GPC6: variants seen among roughly 807,000 people sequenced by gnomAD.
GPC6 encodes glypican-6.
GPC6 carries 14 observed loss-of-function variants against 55.2 expected under a neutral mutation model. The ratio of observed to expected loss-of-function variants is 0.25; its 90% CI spans 0.17 to 0.40. The LOEUF (loss-of-function observed/expected upper bound fraction) is 0.40. GPC6 is among the 10% of genes least tolerant of loss of function. GPC6 has a pLI of 1.00. For missense variants in GPC6, 641 were observed against 708.5 expected (o/e 0.90, Z 1.08); for synonymous variants, 278 against 259.6 (o/e 1.07, Z -0.68).
intron 2 of GPC6, among the ~76,000 whole-genome samples, chr13:93,752,932 CT>C (rs1428438533): frequency 6.6e-6 from 1 of 152,170 alleles, no homozygotes; most frequent in Non-Finnish European, 1.5e-5. Context: ...GTCAGCACCC[CT>C]GTGAGTGTCC....
chr13:93,688,159 A>C (rs181772600), intron 2 of GPC6, among the ~76,000 whole-genome samples: 8 of 152,204 alleles, frequency 5.3e-5, no homozygotes, highest in Admixed American at 2.0e-4. Context: ...TTATGAGATA[A>C]CTTTGTTTTG....
chr13:93,335,887 C>A (rs1880028598), intron 1 of GPC6, among the ~76,000 whole-genome samples: 1 of 152,126 alleles, frequency 6.6e-6, no homozygotes, highest in South Asian at 2.1e-4. Context: ...TTTTAGACTG[C>A]CTTGTAGTTC....
At chr13:93,586,207 A>G (rs1027355606) in intron 2 of GPC6, among the ~76,000 whole-genome samples, 2 of 152,156 alleles carry the variant, frequency 1.3e-5, no homozygotes, top group African/African-American at 4.8e-5. Context: ...GAGAGAAGAA[A>G]CACTATTTGG....
At chr13:93,549,757 T>C (rs903946402) in intron 2 of GPC6, among the ~76,000 whole-genome samples, 3 of 152,022 alleles carry the variant, frequency 2.0e-5, no homozygotes, top group Non-Finnish European at 4.4e-5. Context: ...GGAAGATTTG[T>C]TTTTAACTCC....
At chr13:93,345,007 C>T (rs1219995483) in intron 1 of GPC6, among the ~76,000 whole-genome samples, 5 of 151,978 alleles carry the variant, frequency 3.3e-5, no homozygotes, top group South Asian at 4.1e-4. Flanking sequence ...TTTTTATATG[C>T]TTTAAAAATG....
chr13:93,407,100 G>A (rs1876321660), intron 1 of GPC6, among the ~76,000 whole-genome samples: 1 of 152,054 alleles, frequency 6.6e-6, no homozygotes, highest in Admixed American at 6.6e-5. Context: ...CCAATGTTAA[G>A]TTTCTTTATG....
intron 2 of GPC6, among the ~76,000 whole-genome samples, chr13:93,812,435 T>C (rs1359292612): frequency 6.6e-6 from 1 of 151,582 alleles, no homozygotes; most frequent in Non-Finnish European, 1.5e-5. Flanking sequence ...AGCCCACATA[T>C]AGGGGAAGGT....
chr13:93,689,318 T>G (rs1241271703), intron 2 of GPC6, among the ~76,000 whole-genome samples: 1 of 152,112 alleles, frequency 6.6e-6, no homozygotes, highest in East Asian at 1.9e-4. Flanking sequence ...ACTTCTCAGA[T>G]ATGTTTTTTG....
intron 2 of GPC6, among the ~76,000 whole-genome samples, chr13:93,620,108 C>T (rs1878886004): frequency 6.6e-6 from 1 of 152,096 alleles, no homozygotes. Context: ...CGTAGAATCT[C>T]ATACATAGCC....
At chr13:94,311,371 GT>G (rs1235158120) in intron 6 of GPC6, among the ~76,000 whole-genome samples, 1 of 152,134 alleles carries the variant, frequency 6.6e-6, no homozygotes, top group Non-Finnish European at 1.5e-5. Context: ...GTTTCACCAT[GT>G]TTTCCAGGCT....
chr13:93,425,839 G>A (rs1240215512), intron 1 of GPC6, among the ~76,000 whole-genome samples: 7 of 152,080 alleles, frequency 4.6e-5, no homozygotes, highest in South Asian at 2.1e-4. Flanking sequence ...GGCAAATGTC[G>A]CAAATACAGA....
At chr13:94,206,088 G>A (rs1889894208) in intron 4 of GPC6, among the ~76,000 whole-genome samples, 1 of 152,130 alleles carries the variant, frequency 6.6e-6, no homozygotes, top group African/African-American at 2.4e-5. Context: ...CTGACCTAGA[G>A]TTTGTCAAGA....
intron 2 of GPC6, among the ~76,000 whole-genome samples, chr13:93,783,657 C>T (rs1414965325): frequency 6.6e-6 from 1 of 152,106 alleles, no homozygotes; most frequent in Non-Finnish European, 1.5e-5. Flanking sequence ...GGAGCCACCA[C>T]CCATCACTGT....
chr13:93,867,303 T>C (rs1004753114), intron 3 of GPC6, among the ~76,000 whole-genome samples: 6 of 151,744 alleles, frequency 4.0e-5, no homozygotes, highest in African/African-American at 1.4e-4. Flanking sequence ...TCCTTTGACG[T>C]CTCTCTAACA....
chr13:93,754,343 T>C (rs1246928003), intron 2 of GPC6, among the ~76,000 whole-genome samples: 1 of 152,168 alleles, frequency 6.6e-6, no homozygotes, highest in African/African-American at 2.4e-5. Flanking sequence ...TTTTTTATTC[T>C]CTTTTCCTAC....
chr13:94,286,162 A>C (rs1892523896), intron 4 of GPC6, among the ~76,000 whole-genome samples, 187 bp from the exon 5 acceptor site: 1 of 152,222 alleles, frequency 6.6e-6, no homozygotes, highest in Admixed American at 6.5e-5. Context: ...AATAATTTTG[A>C]ATCTTCAAAC....
intron 4 of GPC6, among the ~76,000 whole-genome samples, chr13:94,033,864 A>G (rs2138729091): frequency 6.6e-6 from 1 of 152,332 alleles, no homozygotes; most frequent in South Asian, 2.1e-4. Context: ...ACTTTATGTA[A>G]TACAAGAGCC....
intron 4 of GPC6, among the ~76,000 whole-genome samples, chr13:94,030,677 C>A (rs1290124214): frequency 1.3e-5 from 2 of 152,182 alleles, no homozygotes; most frequent in Admixed American, 1.3e-4. Flanking sequence ...TTCATCAAAA[C>A]CTTCACTCCT....
intron 6 of GPC6, among the ~76,000 whole-genome samples, chr13:94,372,372 G>T (rs976960887): frequency 6.6e-6 from 1 of 152,170 alleles, no homozygotes; most frequent in Non-Finnish European, 1.5e-5. Flanking sequence ...TGCGCGAGCC[G>T]AAGCAGGGCG....
Sources: allele counts gnomAD v4.1 joint callset (sites outside exome capture counted in the v4.1 genomes callset), GRCh38; gene constraint gnomAD v4.1.1; transcripts MANE v1.5; gene names NCBI Gene and HGNC (gene_info 2026-07-23, HGNC 2026-07-21).